Variants in SCLT1 observed in about 807,000 individuals in gnomAD.
SCLT1 encodes sodium channel and clathrin linker 1.
In SCLT1, 78 loss-of-function variants were observed where a neutral mutation model predicts 112.8. That is an observed-to-expected ratio of 0.69 (90% confidence interval 0.58 to 0.83). SCLT1 has a LOEUF of 0.83. SCLT1 is among the 40% of genes least tolerant of loss of function. The pLI, the probability that SCLT1 is intolerant of heterozygous loss-of-function variation, is 0.00. For missense variants in SCLT1, 747 were observed against 770.4 expected (o/e 0.97, Z 0.36); for synonymous variants, 257 against 254.7 (o/e 1.01, Z -0.09).
chr4:129,023,505 T>C (rs1745684305), intron 5 of SCLT1, among the ~76,000 whole-genome samples: 1 of 152,184 alleles, frequency 6.6e-6, no homozygotes, highest in African/African-American at 2.4e-5. Context: ...TCCTAGTCTC[T>C]GATAAAACAG....
At chr4:128,875,333 A>G (rs916504309) in intron 4 of SCLT1, 1 of 152,562 alleles carries the variant, frequency 6.6e-6, no homozygotes, top group African/African-American at 2.4e-5. Context: ...AGGAATGAGA[A>G]CTGTAGAGAA....
chr4:128,913,226 C>T (rs1735232566), intron 18 of SCLT1, among the ~76,000 whole-genome samples: 1 of 152,076 alleles, frequency 6.6e-6, no homozygotes, highest in Non-Finnish European at 1.5e-5. Flanking sequence ...CAAGGAGGCA[C>T]TACAGCAAAA....
chr4:128,875,810 G>A (rs1732505840), intron 4 of SCLT1, among the ~76,000 whole-genome samples: 2 of 152,054 alleles, frequency 1.3e-5, no homozygotes, highest in South Asian at 2.1e-4. Context: ...ATGATGGGAC[G>A]GTTGTATTTT....
rs149841601 is a variant in SCLT1 at position 128,928,223 on chromosome 4, G to A, written c.1829+8432C>T. ...AAGGAATAAACACTTCCAATACTCC[G>A]TAAAATATACGAGATTACAGAAAAA... On this transcript the variant is annotated intron_variant, in intron 18 of 20. Transcript: ENST00000281142. 4.2e-4 allele frequency among the ~76,000 whole-genome samples: 64 copies of A among 151,940 alleles called. 1 individual carries two copies. Among genetic ancestry groups the A allele is most frequent in the African/African-American group, 1.3e-3 (54 of 41,424 alleles).
chr4:129,068,455 C>T (rs1371313446), intron 2 of SCLT1, among the ~76,000 whole-genome samples: 1 of 152,128 alleles, frequency 6.6e-6, no homozygotes, highest in Admixed American at 6.5e-5. Flanking sequence ...TTTTGTTTTG[C>T]ATTTCCATGA....
chr4:129,051,588 T>G (rs1191934845), intron 2 of SCLT1, among the ~76,000 whole-genome samples: 2 of 152,218 alleles, frequency 1.3e-5, no homozygotes, highest in East Asian at 3.8e-4. Flanking sequence ...ATCCTGAGAC[T>G]TTGCTGAAGT....
chr4:128,881,807 A>C (rs570110334), downstream of SCLT1, among the ~76,000 whole-genome samples: 1 of 152,214 alleles, frequency 6.6e-6, no homozygotes, highest in Non-Finnish European at 1.5e-5. Context: ...ATTATTAACA[A>C]ACTTTTCTGA....
At chr4:129,019,638 T>C (rs1022613651) in intron 5 of SCLT1, among the ~76,000 whole-genome samples, 3 of 151,796 alleles carry the variant, frequency 2.0e-5, no homozygotes, top group Non-Finnish European at 4.4e-5. Flanking sequence ...GCTGCCGCTA[T>C]ATTTTTGTGT....
At chr4:128,893,691 C>T (rs1233956328) in intron 18 of SCLT1, among the ~76,000 whole-genome samples, 3 of 151,502 alleles carry the variant, frequency 2.0e-5, no homozygotes, top group East Asian at 2.0e-4. Flanking sequence ...TACAGGCGCC[C>T]GCCACCACGC....
intron 9 of SCLT1, among the ~76,000 whole-genome samples, chr4:128,976,569 T>C (rs1008310885): frequency 2.0e-5 from 3 of 152,214 alleles, no homozygotes; most frequent in Non-Finnish European, 4.4e-5. Flanking sequence ...TCATAGATGA[T>C]CATATCTACC....
intron 5 of SCLT1, among the ~76,000 whole-genome samples, chr4:129,033,413 C>T (rs189364222): frequency 6.3e-4 from 90 of 142,460 alleles, no homozygotes; most frequent in African/African-American, 2.2e-3. Context: ...ACCTGGATGA[C>T]GGGTTGATAG....
chr4:129,000,025 G>A (rs759754288), intron 6 of SCLT1, among the ~76,000 whole-genome samples: 2 of 151,868 alleles, frequency 1.3e-5, no homozygotes, highest in Non-Finnish European at 2.9e-5. Flanking sequence ...GTTTTACTCA[G>A]ATTTAGCTAA....
chr4:128,945,167 A>T (rs1400062303), intron 16 of SCLT1, among the ~76,000 whole-genome samples: 2 of 152,194 alleles, frequency 1.3e-5, no homozygotes, highest in Admixed American at 1.3e-4. Flanking sequence ...ATGCAGAGAC[A>T]CCATGTGAAT....
chr4:129,060,453 T>C (rs1488818106), intron 2 of SCLT1, among the ~76,000 whole-genome samples: 2 of 152,200 alleles, frequency 1.3e-5, no homozygotes, highest in Non-Finnish European at 2.9e-5. Flanking sequence ...AATCACCTCT[T>C]CCACATCTTG....
chr4:128,952,764 C>A lies in SCLT1; in HGVS notation c.1218+5G>T. 6.9e-7 allele frequency: 1 copy of A among 1,449,468 alleles called. No individual in the cohort carries two copies. 89.8% of individuals were successfully genotyped at this position (1,449,468 alleles called of 1,614,324 possible). A position where few individuals can be genotyped will look rare whatever the true frequency, so the allele number is the denominator to read the frequency against. ...GGAAGAAAATATCAGTATAGTCAAA[C>A]ATACCATTTGAAGGGCTGAAAGTTC... On this transcript the variant is annotated splice_donor_5th_base_variant and intron_variant, in intron 14 of 20. Coordinates refer to ENST00000281142, the MANE Select transcript of SCLT1 (RefSeq NM_144643.4).
At chr4:129,079,715 C>A (rs1751769967) in intron 2 of SCLT1, among the ~76,000 whole-genome samples, 1 of 152,232 alleles carries the variant, frequency 6.6e-6, no homozygotes, top group Non-Finnish European at 1.5e-5. Context: ...TCTCACAGCC[C>A]CACTAGGCAG....
chr4:128,954,147 T>C (rs1464961094), intron 13 of SCLT1, among the ~76,000 whole-genome samples: 1 of 152,102 alleles, frequency 6.6e-6, no homozygotes, highest in Non-Finnish European at 1.5e-5. Context: ...GTAAATTTTA[T>C]GATCTAAAGG....
At chr4:129,022,814 T>C (rs374915522) in intron 5 of SCLT1, among the ~76,000 whole-genome samples, 2 of 152,204 alleles carry the variant, frequency 1.3e-5, no homozygotes, top group South Asian at 4.1e-4. Flanking sequence ...AGATACTCCT[T>C]GAGAAGAGCA....
chr4:128,975,036 A>G (rs1741023877), intron 9 of SCLT1, among the ~76,000 whole-genome samples: 1 of 73,320 alleles, frequency 1.4e-5, no homozygotes, highest in African/African-American at 8.5e-5. Context: ...GATTTGAATG[A>G]CAACTTTTTT....
Sources: allele counts gnomAD v4.1 joint callset (sites outside exome capture counted in the v4.1 genomes callset), GRCh38; gene constraint gnomAD v4.1.1; transcripts MANE v1.5; gene names NCBI Gene and HGNC (gene_info 2026-07-23, HGNC 2026-07-21).